TNS3: variants seen among roughly 807,000 people sequenced by gnomAD.
TNS3 encodes tensin-3.
In TNS3, 45 loss-of-function variants were observed where a neutral mutation model predicts 140.9. That is an observed-to-expected ratio of 0.32 (90% CI 0.25 to 0.41). The LOEUF (loss-of-function observed/expected upper bound fraction) is 0.41, where lower values mean the gene tolerates loss of function less well. Among genes scored for constraint, TNS3 ranks in the 10% least tolerant of loss-of-function variants. TNS3 has a pLI of 1.00. For missense variants in TNS3, 1,716 were observed against 1,906.7 expected, an observed-to-expected ratio of 0.90 and a Z score of 1.86; for synonymous variants, 815 against 788.4, an observed-to-expected ratio of 1.03 and a Z score of -0.56.
intron 4 of TNS3, among the ~76,000 whole-genome samples, chr7:47,468,899 T>TC (rs1796831832): frequency 6.6e-6 from 1 of 152,108 alleles, no homozygotes; most frequent in Admixed American, 6.6e-5. Context: ...AGACACATAT[T>TC]CCAACTGAAC....
intron 2 of TNS3, among the ~76,000 whole-genome samples, chr7:47,527,481 A>AC (rs1395229613): frequency 6.6e-6 from 1 of 151,972 alleles, no homozygotes; most frequent in African/African-American, 2.4e-5. Flanking sequence ...ATCACCTTAC[A>AC]CCTGCAGGCC....
chr7:47,517,365 T>G (rs1175860298), intron 2 of TNS3, among the ~76,000 whole-genome samples: 1 of 152,028 alleles, frequency 6.6e-6, no homozygotes, highest in Admixed American at 6.5e-5. Flanking sequence ...AAGGTGTCAT[T>G]ACCAATCTTT....
intron 20 of TNS3, among the ~76,000 whole-genome samples, chr7:47,338,673 TTC>T (rs1788769535): frequency 6.6e-6 from 1 of 152,236 alleles, no homozygotes. Context: ...CATGATTTGG[TTC>T]TTTTTTTACG....
chr7:47,298,191 A>G (rs962440157), intron 23 of TNS3, among the ~76,000 whole-genome samples: 2 of 152,180 alleles, frequency 1.3e-5, no homozygotes, highest in Non-Finnish European at 2.9e-5. Context: ...AGTAACAAAA[A>G]CCTGGCCTGC....
At chr7:47,386,836 T>C (rs1049351008) in intron 16 of TNS3, among the ~76,000 whole-genome samples, 4 of 152,242 alleles carry the variant, frequency 2.6e-5, no homozygotes, top group African/African-American at 7.2e-5. Context: ...TGCCATTATA[T>C]CAACCCTGTT....
chr7:47,325,723 C>A (rs1424602342), intron 20 of TNS3, among the ~76,000 whole-genome samples: 1 of 152,170 alleles, frequency 6.6e-6, no homozygotes, highest in East Asian at 1.9e-4. Context: ...GTATTCTCAT[C>A]AGACCACAGG....
chr7:47,456,346 A>C (rs1484122169), intron 4 of TNS3, among the ~76,000 whole-genome samples: 1 of 152,122 alleles, frequency 6.6e-6, no homozygotes, highest in Non-Finnish European at 1.5e-5. Context: ...CCGAGCTTTT[A>C]CCTGGAAAAC....
intron 20 of TNS3, among the ~76,000 whole-genome samples, chr7:47,313,053 G>C (rs1787197696): frequency 6.6e-6 from 1 of 152,162 alleles, no homozygotes; most frequent in South Asian, 2.1e-4. Context: ...AATTACTACT[G>C]CATGGAGGAA....
intron 17 of TNS3, 130 bp from the exon 18 acceptor site, chr7:47,346,486 A>G: frequency 8.7e-7 from 1 of 1,152,834 alleles, no homozygotes; most frequent in Non-Finnish European, 1.2e-6. Flanking sequence ...TGCTCTGGGA[A>G]GATGCTGTGG....
chr7:47,345,797 C>T (rs1789301520), intron 18 of TNS3, among the ~76,000 whole-genome samples: 3 of 152,188 alleles, frequency 2.0e-5, no homozygotes, highest in Admixed American at 2.0e-4. Context: ...CTGCTGCTGT[C>T]GGGCTATGGA....
chr7:47,464,320 T>C (rs1312861686), intron 4 of TNS3, among the ~76,000 whole-genome samples: 1 of 152,090 alleles, frequency 6.6e-6, no homozygotes, highest in Non-Finnish European at 1.5e-5. Context: ...CAGAAGCCAA[T>C]AGTCATCTGC....
At chr7:47,479,723 G>A (rs1797344486) in intron 4 of TNS3, among the ~76,000 whole-genome samples, 1 of 152,228 alleles carries the variant, frequency 6.6e-6, no homozygotes. Context: ...CAGAACCAAA[G>A]AGACCACACC....
At chr7:47,479,390 G>A (rs986383394) in intron 4 of TNS3, among the ~76,000 whole-genome samples, 44 of 152,186 alleles carry the variant, frequency 2.9e-4, no homozygotes, top group African/African-American at 9.4e-4. Context: ...GGCTCCCGGG[G>A]CCTATGACAA....
intron 13 of TNS3, among the ~76,000 whole-genome samples, chr7:47,405,025 T>C (rs1204859935): frequency 6.6e-6 from 1 of 152,220 alleles, no homozygotes; most frequent in African/African-American, 2.4e-5. Context: ...ACACATGGAA[T>C]TCTCAAAGAA....
At position 47,368,667 on chromosome 7, in the gene TNS3, G is replaced by A; in HGVS notation, c.1979C>T (p.Ser660Phe). 1.3e-6 allele frequency: 2 copies of A among 1,599,606 alleles called. 1 individual carries two copies. The highest frequency in any genetic ancestry group is 2.3e-5 in the South Asian group (2 of 88,092). Residue 660 changes from serine (S) to phenylalanine (F), a missense_variant, in exon 17 of 31, where the codon TCT becomes TTT. Physicochemically the swap from Ser to Phe is radical, Grantham distance 155. This residue lies in a region of TNS3 where 1,163 missense variants were observed against 1,182.1 expected (regional missense o/e 0.98). Coordinates refer to ENST00000311160, the MANE Select transcript of TNS3 (RefSeq NM_022748.12). ...GPHPPDTQQP[S>F]PSKAFKPRFP... ...CCTGGGTTTGAACGCTTTGCTGGGA[G>A]AGGGCTGCTGTGTGTCAGGGGGATG...
Position 47,407,437 on chromosome 7 carries a change from C to T in TNS3, c.723+4290G>A, listed in dbSNP as rs145363644. ...CCTGCACTGCCCACTCACGTGTCCA[C>T]CGCATCTTCTCATGCAGGCCGCACG... is the stretch of plus-strand genomic sequence containing the variant. On this transcript the variant is annotated intron_variant, in intron 13 of 30. Transcript: ENST00000311160. This position sits in a 1 kb window ranked among gnomAD's most constrained non-coding sequence, Gnocchi z 4.1. Among the ~76,000 whole-genome samples the T allele has an allele frequency of 3.0e-3, 463 of 152,338 alleles. 1 individual carries two copies. The highest frequency in any genetic ancestry group is 8.0e-3 in the African/African-American group (334 of 41,578).
chr7:47,370,018 C>T lies in TNS3; in HGVS notation c.1025-397G>A, dbSNP rs560507173. On this transcript the variant is annotated intron_variant, in intron 16 of 30. Coordinates refer to ENST00000311160, the MANE Select transcript of TNS3 (RefSeq NM_022748.12). ...GTTCATCTTAGACAAGAAGAGCTTC[C>T]GTTCATAGACCTGTCTAACATTTGT... is the stretch of plus-strand genomic sequence containing the variant. 3.9e-5 allele frequency among the ~76,000 whole-genome samples: 6 copies of T among 152,300 alleles called. No individual in the cohort carries two copies. In the East Asian group the frequency reaches 1.2e-3, roughly 29 times the overall value.
intron 4 of TNS3, chr7:47,453,276 C>T: frequency 3.0e-6 from 3 of 984,762 alleles, no homozygotes; most frequent in South Asian, 9.4e-5. Context: ...GGAACAAGAA[C>T]AGCGCTCTCC....
At chr7:47,429,619 G>A (rs995015349) in intron 8 of TNS3, among the ~76,000 whole-genome samples, 12 of 152,036 alleles carry the variant, frequency 7.9e-5, no homozygotes, top group Admixed American at 2.0e-4. Flanking sequence ...CACCAGCCTC[G>A]GCCTCCCAAA....
Sources: allele counts gnomAD v4.1 joint callset (sites outside exome capture counted in the v4.1 genomes callset), GRCh38; gene constraint gnomAD v4.1.1; regional missense constraint gnomAD v4.1.1; non-coding constraint Gnocchi (gnomAD v3.1); transcripts MANE v1.5; gene names NCBI Gene and HGNC (gene_info 2026-07-23, HGNC 2026-07-21).